The following CACNA1E variants were observed in gnomAD, a reference collection of about 807,000 sequenced individuals.
The protein encoded by CACNA1E is voltage-dependent R-type calcium channel subunit alpha-1E.
CACNA1E carries 40 observed loss-of-function variants against 259.2 expected under a neutral mutation model. That is an observed-to-expected ratio of 0.15 (90% confidence interval 0.12 to 0.20). CACNA1E has a LOEUF of 0.20. CACNA1E is among the 10% of genes least tolerant of loss of function. The probability of loss-of-function intolerance (pLI) is 1.00; values close to 1 mark genes in which losing one functional copy is unlikely to be tolerated. For synonymous variants in CACNA1E, 1,104 were observed against 1,138.5 expected, an observed-to-expected ratio of 0.97 and a Z score of 0.61; for missense variants, 1,874 against 3,040.1, an observed-to-expected ratio of 0.62 and a Z score of 9.02.
chr1:181,734,800 C>T (rs1203416111), intron 21 of CACNA1E, among the ~76,000 whole-genome samples: 1 of 142,964 alleles, frequency 7.0e-6, no homozygotes, highest in Middle Eastern at 3.5e-3. Flanking sequence ...CTCATCCCTG[C>T]ATTATGAATT....
upstream of CACNA1E, among the ~76,000 whole-genome samples, chr1:181,481,382 A>C (rs1417020888): frequency 6.6e-6 from 1 of 151,150 alleles, no homozygotes. Flanking sequence ...TCTCACATAC[A>C]TTCTCACACA....
intron 1 of CACNA1E, among the ~76,000 whole-genome samples, chr1:181,372,829 T>TATATA (rs200880723): frequency 0.053 from 4,562 of 86,190 alleles, 177 homozygotes; most frequent in South Asian, 0.18. Flanking sequence ...TATATATATA[T>TATATA]TTTTTTTTTA....
upstream of CACNA1E, among the ~76,000 whole-genome samples, chr1:181,480,722 C>T (rs1185625205): frequency 6.6e-6 from 1 of 152,050 alleles, no homozygotes; most frequent in African/African-American, 2.4e-5. Context: ...GGCAGAACCA[C>T]AAAGGAAAGG....
intron 6 of CACNA1E, among the ~76,000 whole-genome samples, chr1:181,650,723 G>A (rs1438865095): frequency 6.6e-6 from 1 of 152,192 alleles, no homozygotes; most frequent in African/African-American, 2.4e-5. Flanking sequence ...AATTCACTGA[G>A]TGTTAACATT....
At chr1:181,477,806 C>G (rs1423129807) in intron 2 of CACNA1E, among the ~76,000 whole-genome samples, 1 of 152,178 alleles carries the variant, frequency 6.6e-6, no homozygotes, top group Non-Finnish European at 1.5e-5. Context: ...TTACGTAGCA[C>G]ATACTTATTG....
intron 2 of CACNA1E, among the ~76,000 whole-genome samples, chr1:181,442,464 A>C (rs1401689103): frequency 6.7e-6 from 1 of 149,814 alleles, no homozygotes; most frequent in Non-Finnish European, 1.5e-5. Context: ...TGGGGGACAC[A>C]GGTGTGAAGG....
At chr1:181,631,164 G>T (rs1656700320) in intron 6 of CACNA1E, among the ~76,000 whole-genome samples, 1 of 152,196 alleles carries the variant, frequency 6.6e-6, no homozygotes, top group African/African-American at 2.4e-5. Flanking sequence ...CGAGCTGCCA[G>T]CCAGGTGCAT....
At chr1:181,695,403 G>C (rs1651597201) in intron 7 of CACNA1E, among the ~76,000 whole-genome samples, 1 of 152,120 alleles carries the variant, frequency 6.6e-6, no homozygotes, top group Non-Finnish European at 1.5e-5. Context: ...AAAGGCAAAG[G>C]CTTTAGAGAA....
intron 43 of CACNA1E, among the ~76,000 whole-genome samples, chr1:181,786,282 C>T (rs1490524900): frequency 6.6e-6 from 1 of 152,174 alleles, no homozygotes; most frequent in Non-Finnish European, 1.5e-5. Context: ...ACACTATTTG[C>T]AGAATCTCAC....
At chr1:181,372,688 G>T (rs922614412) in intron 1 of CACNA1E, among the ~76,000 whole-genome samples, 4 of 152,150 alleles carry the variant, frequency 2.6e-5, no homozygotes, top group Non-Finnish European at 4.4e-5. Context: ...TTCTCATGGG[G>T]AATGCGTCCA....
At chr1:181,712,406 G>A (rs558712576) in intron 8 of CACNA1E, among the ~76,000 whole-genome samples, 28 of 152,278 alleles carry the variant, frequency 1.8e-4, no homozygotes, top group Admixed American at 1.3e-3. Context: ...AAAATTTGGA[G>A]TATGATTTAG....
intron 8 of CACNA1E, among the ~76,000 whole-genome samples, chr1:181,712,008 A>G (rs1653421194): frequency 1.3e-5 from 2 of 152,198 alleles, no homozygotes; most frequent in African/African-American, 4.8e-5. Flanking sequence ...GCCGCCATCT[A>G]GGGAGGAGAT....
At chr1:181,496,465 C>T (rs1664762632) in intron 1 of CACNA1E, among the ~76,000 whole-genome samples, 1 of 152,192 alleles carries the variant, frequency 6.6e-6, no homozygotes, top group African/African-American at 2.4e-5. Context: ...TTGCCAGCCT[C>T]CTGGCTAACT....
chr1:181,441,916 AAGG>A (rs1382319572), intron 2 of CACNA1E, among the ~76,000 whole-genome samples: 2 of 152,170 alleles, frequency 1.3e-5, no homozygotes, highest in Non-Finnish European at 2.9e-5. Flanking sequence ...TGAGGGAAGA[AAGG>A]AGGGGAGCCG....
At chr1:181,421,077 C>T (rs1029942812) in intron 2 of CACNA1E, among the ~76,000 whole-genome samples, 1 of 152,116 alleles carries the variant, frequency 6.6e-6, no homozygotes, top group Admixed American at 6.5e-5. Context: ...AGTTACCTGC[C>T]CAGTATCACA....
chr1:181,730,246 T>A (rs1024075712), intron 18 of CACNA1E, among the ~76,000 whole-genome samples: 2 of 152,184 alleles, frequency 1.3e-5, no homozygotes, highest in African/African-American at 4.8e-5. Context: ...AGGATCAGCA[T>A]TTGCCAACAT....
At chr1:181,391,935 CTCTCTCTCTCTG>C (rs1195369725) in intron 1 of CACNA1E, among the ~76,000 whole-genome samples, 2,952 of 76,610 alleles carry the variant, frequency 0.039, 44 homozygotes, top group African/African-American at 0.07. Context: ...GTCTCTCTCT[CTCTCTCTCTCTG>C]TGTGTGTGTG....
At chr1:181,548,356 C>A (rs1647751026) in intron 3 of CACNA1E, among the ~76,000 whole-genome samples, 1 of 152,106 alleles carries the variant, frequency 6.6e-6, no homozygotes, top group East Asian at 1.9e-4. Context: ...GAACTCCTGA[C>A]CTCAAATGAT....
chr1:181,574,663 G>A (rs1650764900), intron 3 of CACNA1E, among the ~76,000 whole-genome samples: 1 of 152,152 alleles, frequency 6.6e-6, no homozygotes, highest in Admixed American at 6.5e-5. Flanking sequence ...GGTTAGGGCA[G>A]TGATGGAGGT....
Sources: gnomAD v4.1 joint callset for allele counts (sites outside exome capture counted in the v4.1 genomes callset) on GRCh38, gnomAD v4.1.1 for gene constraint, MANE v1.5 for transcripts, NCBI Gene and HGNC (gene_info 2026-07-23, HGNC 2026-07-21) for gene names.